PDE2A: variants seen among roughly 807,000 people sequenced by gnomAD.
PDE2A encodes cGMP-dependent 3',5'-cyclic phosphodiesterase.
Under a neutral mutation model 133.6 loss-of-function variants are expected in PDE2A, and 53 were observed. The observed-to-expected ratio is 0.40, with a 90% confidence interval of 0.32 to 0.50. The LOEUF (loss-of-function observed/expected upper bound fraction) is 0.50. Ranked by LOEUF, PDE2A falls within the 20% of genes least tolerant of loss-of-function variation. The probability of loss-of-function intolerance (pLI) is 0.73; values close to 1 mark genes in which losing one functional copy is unlikely to be tolerated. For synonymous variants in PDE2A, 491 were observed against 490.2 expected, an observed-to-expected ratio of 1.00 and a Z score of -0.02; for missense variants, 796 against 1,232.4, an observed-to-expected ratio of 0.65 and a Z score of 5.30.
At chr11:72,669,238 C>A (rs1203915151) in intron 1 of PDE2A, among the ~76,000 whole-genome samples, 1 of 152,142 alleles carries the variant, frequency 6.6e-6, no homozygotes, top group Non-Finnish European at 1.5e-5. Flanking sequence ...ATCTTCAAAG[C>A]CTCCTCTGCG....
chr11:72,579,738 TCAGGGGCCC>T (rs1169218068), intron 25 of PDE2A, 130 bp from the exon 26 acceptor site: 2 of 653,266 alleles, frequency 3.1e-6, no homozygotes, highest in African/African-American at 3.6e-5. Context: ...AAAGGGGGAG[TCAGGGGCCC>T]CAGTTCCCTT....
chr11:72,638,543 G>A (rs1404593061), intron 2 of PDE2A, among the ~76,000 whole-genome samples: 1 of 152,172 alleles, frequency 6.6e-6, no homozygotes, highest in Non-Finnish European at 1.5e-5. Context: ...CAGAAGGGTG[G>A]GCAACTGACA....
In PDE2A at chr11:72,610,270, G is replaced by T. The variant is rs1025251463; in HGVS notation, c.145-1519C>A. ...TAGGATTTCACAGGAGGCTGGCCTTGGTCTAGTGGGCTGAAGGACCTTCTT... is the reference window on the plus strand; with the variant it reads ...TAGGATTTCACAGGAGGCTGGCCTTTGTCTAGTGGGCTGAAGGACCTTCTT... On this transcript the variant is annotated intron_variant, in intron 2 of 30. Coordinates refer to ENST00000334456, the MANE Select transcript of PDE2A (RefSeq NM_002599.5). 3.9e-5 allele frequency among the ~76,000 whole-genome samples: 6 copies of T among 152,142 alleles called. No homozygotes were observed. The East Asian group carries it at 5.8e-4, about 15-fold the overall frequency.
chr11:72,617,756 TGAG>T (rs1482214005), intron 2 of PDE2A, among the ~76,000 whole-genome samples: 1 of 152,166 alleles, frequency 6.6e-6, no homozygotes, highest in African/African-American at 2.4e-5. Context: ...GGGAAGCCCC[TGAG>T]GAGAAGTCCC....
intron 6 of PDE2A, among the ~76,000 whole-genome samples, chr11:72,595,324 A>C (rs1368279417): frequency 6.6e-6 from 1 of 151,948 alleles, no homozygotes; most frequent in Non-Finnish European, 1.5e-5. Flanking sequence ...GTGCCCCTCA[A>C]AGCTGACCAG....
chr11:72,592,255 C>T (rs1290931222), intron 6 of PDE2A, among the ~76,000 whole-genome samples: 2 of 152,148 alleles, frequency 1.3e-5, no homozygotes, highest in Non-Finnish European at 2.9e-5. Flanking sequence ...CACTAGCTTC[C>T]GGAGCTTACT....
At chr11:72,611,760 C>T (rs1025539746) in intron 2 of PDE2A, among the ~76,000 whole-genome samples, 1 of 152,174 alleles carries the variant, frequency 6.6e-6, no homozygotes. Context: ...GTGTTGGGTG[C>T]AGGAACTGCA....
chr11:72,669,027 G>A (rs558286530), intron 1 of PDE2A: 48 of 927,254 alleles, frequency 5.2e-5, no homozygotes, highest in African/African-American at 3.9e-4. Context: ...AGCACCTGCC[G>A]CATGCCAGGG....
intron 1 of PDE2A, among the ~76,000 whole-genome samples, chr11:72,647,095 T>C (rs1157777815): frequency 6.6e-6 from 1 of 152,218 alleles, no homozygotes; most frequent in African/African-American, 2.4e-5. Flanking sequence ...AGCCCTGTGG[T>C]GCCCAGTGAG....
intron 6 of PDE2A, among the ~76,000 whole-genome samples, chr11:72,595,051 CACA>C (rs1266169062): frequency 1.3e-5 from 2 of 152,090 alleles, no homozygotes. Context: ...CACACACACA[CACA>C]CACACACACA....
At chr11:72,602,377 C>T (rs1175216399) in intron 4 of PDE2A, among the ~76,000 whole-genome samples, 1 of 152,196 alleles carries the variant, frequency 6.6e-6, no homozygotes. Context: ...CTCGGGCCTC[C>T]TTATCTGTCT....
Position 72,580,586 on chromosome 11 carries a change from G to A in PDE2A, c.2172C>T (p.Ser724=), listed in dbSNP as rs747032244. 25 of 1,568,196 alleles carry A rather than the reference G, an allele frequency of 1.6e-5. No homozygotes were observed. The highest frequency in any genetic ancestry group is 8.1e-5 in the African/African-American group (6 of 74,500). ...GACAGAAGAGTGATACCTCCATGAC[G>A]GAGCCCTCAGAGCTGTAGAGCGCAG... ...VLAALYSSEG[S]VMERHHFAQA... The change falls in exon 25 of 31, where the codon TCC becomes TCT. Residue 724 remains serine (S), a synonymous_variant. Coordinates refer to ENST00000334456, the MANE Select transcript of PDE2A (RefSeq NM_002599.5).
chr11:72,655,822 A>G (rs994710083), intron 1 of PDE2A, among the ~76,000 whole-genome samples: 1 of 152,028 alleles, frequency 6.6e-6, no homozygotes, highest in Non-Finnish European at 1.5e-5. Context: ...TGCCCTAGGG[A>G]GATTCAGGAG....
chr11:72,616,945 G>A (rs1857505363), intron 2 of PDE2A, among the ~76,000 whole-genome samples: 2 of 152,236 alleles, frequency 1.3e-5, no homozygotes, highest in South Asian at 2.1e-4. Context: ...GCCTCATGTA[G>A]TCCAATCCCA....
At chr11:72,587,238 G>A (rs1228272925) in intron 13 of PDE2A, among the ~76,000 whole-genome samples, 1 of 152,160 alleles carries the variant, frequency 6.6e-6, no homozygotes, top group African/African-American at 2.4e-5. Context: ...AAACACTTCG[G>A]AGGTCTTTGC....
intron 1 of PDE2A, chr11:72,658,303 C>T: frequency 2.7e-6 from 1 of 365,692 alleles, no homozygotes; most frequent in Admixed American, 3.6e-5. Context: ...GCAGATCTTC[C>T]CACCTAGCTA....
intron 1 of PDE2A, chr11:72,668,436 C>T (rs1591149371): frequency 4.2e-6 from 3 of 716,854 alleles, no homozygotes; most frequent in Non-Finnish European, 7.8e-6. Context: ...TCTGTGTGAA[C>T]ATGTGAGAAG....
In PDE2A at chr11:72,584,699, C is replaced by T. The variant is rs766309888; in HGVS notation, c.1389G>A (p.Gln463=). 34 of 1,613,344 alleles carry T rather than the reference C, an allele frequency of 2.1e-5. No individual in the cohort carries two copies. In the South Asian group the frequency reaches 2.9e-4, roughly 14 times the overall value. ...TGGTCGCCACGTGTCCCGCGATGCC[C>T]TGATCGGCCGGGATGCGGATCTCAT... ...ESYEIRIPAD[Q]GIAGHVATTG... Residue 463 remains glutamine (Q), a synonymous_variant, in exon 18 of 31, where the codon CAG becomes CAA. Coordinates refer to ENST00000334456, the MANE Select transcript of PDE2A (RefSeq NM_002599.5).
At chr11:72,612,363 G>A (rs1354721449) in intron 2 of PDE2A, among the ~76,000 whole-genome samples, 1 of 150,818 alleles carries the variant, frequency 6.6e-6, no homozygotes, top group Non-Finnish European at 1.5e-5. Context: ...CACATTTCCT[G>A]CCTTCACAGC....
Sources: allele counts gnomAD v4.1 joint callset (sites outside exome capture counted in the v4.1 genomes callset), GRCh38; gene constraint gnomAD v4.1.1; transcripts MANE v1.5; gene names NCBI Gene and HGNC (gene_info 2026-07-23, HGNC 2026-07-21).